Variants in OSTN observed in about 807,000 individuals in gnomAD.
The protein encoded by OSTN is osteocrin.
Under a neutral mutation model 12.0 loss-of-function variants are expected in OSTN, and 9 were observed. The observed-to-expected ratio is 0.75, with a 90% CI of 0.45 to 1.30. OSTN has a LOEUF of 1.30. Ranked by LOEUF, OSTN falls within the 50% of genes most tolerant of loss-of-function variation. OSTN has a pLI of 0.00. For synonymous variants in OSTN, 59 were observed against 56.9 expected (o/e 1.04, Z -0.16); for missense variants, 148 against 152.3 (o/e 0.97, Z 0.15).
intron 3 of OSTN, among the ~76,000 whole-genome samples, chr3:191,227,591 AAT>A (rs1714944601): frequency 2.0e-5 from 3 of 152,320 alleles, no homozygotes; most frequent in Admixed American, 6.5e-5. Flanking sequence ...TAAAAAATAA[AAT>A]TATAAACAAA....
chr3:191,233,106 A>G (rs1715102442), intron 3 of OSTN, among the ~76,000 whole-genome samples: 1 of 152,192 alleles, frequency 6.6e-6, no homozygotes, highest in Admixed American at 6.5e-5. Flanking sequence ...AATTAACTCT[A>G]CTTTCAAAAA....
At chr3:191,204,207 T>A (rs1714218803) in intron 1 of OSTN, among the ~76,000 whole-genome samples, 1 of 152,118 alleles carries the variant, frequency 6.6e-6, no homozygotes, top group African/African-American at 2.4e-5. Flanking sequence ...TAATTTTTTT[T>A]TAACGGGAAA....
rs1196013281 is a variant in OSTN, at chr3:191,265,018, AT to A, written c.*2166del. Reference sequence around the variant, plus strand: ...AGGGAAGAAAATGTTTTCTCCACTTATAACTCTATTTTATTTCATATTTTAA... The same window carrying A: ...AGGGAAGAAAATGTTTTCTCCACTTAAACTCTATTTTATTTCATATTTTAA... On this transcript the variant is annotated 3_prime_UTR_variant, in exon 5 of 5. Coordinates refer to ENST00000682035, the MANE Select transcript of OSTN (RefSeq NM_198184.2). 3 of 152,182 alleles carry A rather than the reference AT, an allele frequency of 2.0e-5. No individual in the cohort carries two copies. The highest frequency in any genetic ancestry group is 7.2e-5 in the African/African-American group (3 of 41,470). 9.4% of individuals were successfully genotyped at this position (152,182 alleles called of 1,614,324 possible). A position where few individuals can be genotyped will look rare whatever the true frequency, so the allele number is the denominator to read the frequency against.
intron 3 of OSTN, among the ~76,000 whole-genome samples, chr3:191,240,450 A>T (rs543857244): frequency 6.6e-6 from 1 of 152,200 alleles, no homozygotes; most frequent in East Asian, 1.9e-4. Flanking sequence ...AGAACCCCCA[A>T]ATTGGGTGTG....
chr3:191,258,490 G>A (rs764842764), intron 4 of OSTN, among the ~76,000 whole-genome samples: 29 of 150,328 alleles, frequency 1.9e-4, no homozygotes, highest in Non-Finnish European at 8.8e-5. Flanking sequence ...AGGGCCTGTC[G>A]GGGCGTAGGA....
chr3:191,227,464 T>G (rs1277680383), intron 3 of OSTN, among the ~76,000 whole-genome samples: 1 of 152,222 alleles, frequency 6.6e-6, no homozygotes, highest in African/African-American at 2.4e-5. Context: ...TTTTTGGCCC[T>G]GCCTTCCTCC....
chr3:191,261,602 C>T (rs780591707), intron 4 of OSTN, among the ~76,000 whole-genome samples: 1 of 152,200 alleles, frequency 6.6e-6, no homozygotes, highest in Non-Finnish European at 1.5e-5. Flanking sequence ...AAAAAAACAG[C>T]TTTATGGAGC....
intron 3 of OSTN, among the ~76,000 whole-genome samples, chr3:191,237,126 G>C (rs73055324): frequency 0.018 from 2,771 of 152,210 alleles, 95 homozygotes; most frequent in African/African-American, 0.064. Flanking sequence ...GTGAGGCTCT[G>C]ATTAGCCTAA....
intron 3 of OSTN, chr3:191,234,696 G>GAAAAAAAA: frequency 1.3e-5 from 1 of 79,374 alleles, no homozygotes; most frequent in Non-Finnish European, 2.5e-5. Context: ...GACACCATCT[G>GAAAAAAAA]AAAAAAAAAA....
At chr3:191,239,107 A>G (rs1236227985) in intron 3 of OSTN, among the ~76,000 whole-genome samples, 1 of 152,218 alleles carries the variant, frequency 6.6e-6, no homozygotes, top group Non-Finnish European at 1.5e-5. Context: ...TTGAACAAAG[A>G]ATTAAACAAA....
intron 3 of OSTN, among the ~76,000 whole-genome samples, chr3:191,244,487 CT>C (rs1715387891): frequency 6.6e-6 from 1 of 151,038 alleles, no homozygotes; most frequent in African/African-American, 2.4e-5. Flanking sequence ...ACAGCTTTCT[CT>C]TTTGGTTTCA....
chr3:191,231,838 A>C (rs1173203098), intron 3 of OSTN, among the ~76,000 whole-genome samples: 2 of 152,194 alleles, frequency 1.3e-5, no homozygotes, highest in African/African-American at 4.8e-5. Flanking sequence ...CACTATGGCA[A>C]TTTGGGGAAA....
chr3:191,236,599 A>G (rs1715197981), intron 3 of OSTN, among the ~76,000 whole-genome samples: 1 of 151,626 alleles, frequency 6.6e-6, no homozygotes, highest in Non-Finnish European at 1.5e-5. Flanking sequence ...AGGGCTTGGG[A>G]CAAAGGATTG....
intron 3 of OSTN, among the ~76,000 whole-genome samples, chr3:191,240,687 C>G (rs1191709612): frequency 6.6e-6 from 1 of 152,232 alleles, no homozygotes; most frequent in African/African-American, 2.4e-5. Flanking sequence ...GAAAGTTATA[C>G]TGAGGCTGGA....
chr3:191,243,476 A>G (rs1385495504), intron 3 of OSTN, among the ~76,000 whole-genome samples: 1 of 152,188 alleles, frequency 6.6e-6, no homozygotes, highest in Non-Finnish European at 1.5e-5. Context: ...CTACAGCTCC[A>G]CATGTCATCT....
chr3:191,216,583 C>A (rs191812738), intron 2 of OSTN, among the ~76,000 whole-genome samples: 288 of 152,292 alleles, frequency 1.9e-3, no homozygotes, highest in African/African-American at 6.8e-3. Context: ...TTAAGAGCAC[C>A]AGCTCATATT....
chr3:191,235,142 A>G (rs1277924775), intron 3 of OSTN, among the ~76,000 whole-genome samples: 1 of 152,166 alleles, frequency 6.6e-6, no homozygotes, highest in East Asian at 1.9e-4. Flanking sequence ...ACTCAGTGGT[A>G]GTTGTTGTTC....
chr3:191,250,398 A>AGTTGTTT (rs1715534353), intron 4 of OSTN, among the ~76,000 whole-genome samples: 3 of 152,180 alleles, frequency 2.0e-5, no homozygotes, highest in Non-Finnish European at 4.4e-5. Context: ...TATGTAATTA[A>AGTTGTTT]CCATTGAATA....
intron 1 of OSTN, among the ~76,000 whole-genome samples, chr3:191,203,464 A>G (rs905713789): frequency 5.3e-5 from 8 of 152,230 alleles, no homozygotes; most frequent in African/African-American, 1.9e-4. Context: ...AAATCCAAAT[A>G]GAGGAAAAAA....
Sources: gnomAD v4.1 joint callset for allele counts (sites outside exome capture counted in the v4.1 genomes callset) on GRCh38, gnomAD v4.1.1 for gene constraint, MANE v1.5 for transcripts, NCBI Gene and HGNC (gene_info 2026-07-23, HGNC 2026-07-21) for gene names.